Variants in CAMTA1 observed in about 807,000 individuals in gnomAD.
CAMTA1 encodes the protein calmodulin binding transcription activator 1.
A neutral mutation model predicts 170.9 loss-of-function variants in CAMTA1; 27 were observed. The ratio of observed to expected loss-of-function variants is 0.16; its 90% CI spans 0.12 to 0.22. CAMTA1 has a LOEUF of 0.22. Ranked by LOEUF, CAMTA1 falls within the 10% of genes least tolerant of loss-of-function variation. The pLI is 1.00. For synonymous variants in CAMTA1, 833 were observed against 891.5 expected, an observed-to-expected ratio of 0.93 and a Z score of 1.17; for missense variants, 1,619 against 2,217.2, an observed-to-expected ratio of 0.73 and a Z score of 5.42.
chr1:7,218,942 A>G (rs1394648115), intron 4 of CAMTA1, among the ~76,000 whole-genome samples: 13 of 152,134 alleles, frequency 8.5e-5, no homozygotes, highest in Non-Finnish European at 1.6e-4. Context: ...TTTTGTGGCT[A>G]TCATTACCTT....
intron 4 of CAMTA1, among the ~76,000 whole-genome samples, chr1:7,140,446 G>A (rs1645825415): frequency 6.6e-6 from 1 of 152,118 alleles, no homozygotes; most frequent in African/African-American, 2.4e-5. Context: ...CTTCAAAGGG[G>A]TCAACTCCAG....
At chr1:6,808,598 G>A (rs888032835) in intron 1 of CAMTA1, among the ~76,000 whole-genome samples, 2 of 152,146 alleles carry the variant, frequency 1.3e-5, no homozygotes, top group African/African-American at 4.8e-5. Context: ...AGCACTACGT[G>A]GTTTTCCTAG....
chr1:6,865,943 G>T (rs76041713), intron 3 of CAMTA1, among the ~76,000 whole-genome samples: 1,813 of 152,276 alleles, frequency 0.012, 20 homozygotes, highest in South Asian at 0.033. Context: ...AAGTTGTAAA[G>T]ACTTTTTAGG....
intron 3 of CAMTA1, among the ~76,000 whole-genome samples, chr1:7,075,688 A>T (rs1025564552): frequency 7.6e-5 from 10 of 131,430 alleles, no homozygotes; most frequent in African/African-American, 2.9e-4. Flanking sequence ...TTTGAGACGG[A>T]GTCTTGCTCT....
intron 5 of CAMTA1, among the ~76,000 whole-genome samples, chr1:7,419,924 C>T (rs537441000): frequency 2.6e-4 from 40 of 152,224 alleles, no homozygotes; most frequent in African/African-American, 8.4e-4. Flanking sequence ...AGTTTTGCCA[C>T]GCTGGACCAC....
At chr1:6,813,465 C>T in intron 1 of CAMTA1, among the ~76,000 whole-genome samples, 1 of 151,090 alleles carries the variant, frequency 6.6e-6, no homozygotes. Flanking sequence ...TGAGTATTCC[C>T]CCTACTCCTT....
intron 11 of CAMTA1, among the ~76,000 whole-genome samples, chr1:7,686,187 G>A (rs2096256029): frequency 6.6e-6 from 1 of 152,182 alleles, no homozygotes; most frequent in East Asian, 1.9e-4. Context: ...TTCTCCTGTA[G>A]TTTCTATTCT....
chr1:7,651,731 A>G (rs1023836656), intron 7 of CAMTA1, among the ~76,000 whole-genome samples: 4 of 152,282 alleles, frequency 2.6e-5, no homozygotes, highest in Non-Finnish European at 5.9e-5. Context: ...GCAAGAGGCA[A>G]CCACTTTCCA....
chr1:7,272,043 T>C (rs899508018), intron 5 of CAMTA1, among the ~76,000 whole-genome samples: 1 of 152,054 alleles, frequency 6.6e-6, no homozygotes, highest in Non-Finnish European at 1.5e-5. Flanking sequence ...TAACACAAAA[T>C]ATTCCAGAAA....
chr1:7,478,463 C>T (rs1003793735), intron 6 of CAMTA1, among the ~76,000 whole-genome samples: 2 of 152,240 alleles, frequency 1.3e-5, no homozygotes, highest in African/African-American at 4.8e-5. Flanking sequence ...GCCGACGCTC[C>T]TCTGTCCCTC....
intron 6 of CAMTA1, among the ~76,000 whole-genome samples, chr1:7,553,524 A>T (rs2150199779): frequency 6.6e-6 from 1 of 152,344 alleles, no homozygotes. Flanking sequence ...AGCAAGAGGG[A>T]TAAGCGAAGC....
intron 5 of CAMTA1, among the ~76,000 whole-genome samples, chr1:7,255,144 G>A (rs959541636): frequency 1.3e-5 from 2 of 152,092 alleles, no homozygotes; most frequent in Non-Finnish European, 2.9e-5. Flanking sequence ...TCAGGGAGTC[G>A]GGGGCTAGGA....
At chr1:7,119,523 C>G (rs1429644720) in intron 4 of CAMTA1, among the ~76,000 whole-genome samples, 1 of 152,100 alleles carries the variant, frequency 6.6e-6, no homozygotes, top group Non-Finnish European at 1.5e-5. Context: ...CATGGAAGAA[C>G]CCCTGAGCCG....
At chr1:7,354,189 CCCA>C (rs1427251948) in intron 5 of CAMTA1, among the ~76,000 whole-genome samples, 8 of 150,678 alleles carry the variant, frequency 5.3e-5, no homozygotes, top group Non-Finnish European at 1.2e-4. Flanking sequence ...TGTTCTGTCG[CCCA>C]GGCTGGAGTG....
At chr1:6,811,818 G>A (rs546663737) in intron 1 of CAMTA1, among the ~76,000 whole-genome samples, 1 of 152,188 alleles carries the variant, frequency 6.6e-6, no homozygotes, top group Admixed American at 6.5e-5. Context: ...CCTCCATTCC[G>A]GGGCTGTGGC....
At chr1:6,797,735 C>A (rs1437271221) in intron 1 of CAMTA1, among the ~76,000 whole-genome samples, 1 of 151,966 alleles carries the variant, frequency 6.6e-6, no homozygotes, top group Non-Finnish European at 1.5e-5. Context: ...CTGTGTCCTC[C>A]CATTCTTAAA....
At chr1:6,880,626 G>A (rs1382771675) in intron 3 of CAMTA1, among the ~76,000 whole-genome samples, 2 of 152,178 alleles carry the variant, frequency 1.3e-5, no homozygotes, top group Non-Finnish European at 2.9e-5. Context: ...TGGAGCTCAA[G>A]TGATCCGCCC....
intron 3 of CAMTA1, among the ~76,000 whole-genome samples, chr1:7,015,031 A>G (rs1700333483): frequency 6.6e-6 from 1 of 152,200 alleles, no homozygotes; most frequent in Non-Finnish European, 1.5e-5. Context: ...TTTGAAAATT[A>G]CAGGATAGAA....
chr1:7,138,840 C>T (rs1645697841), intron 4 of CAMTA1, among the ~76,000 whole-genome samples: 1 of 151,622 alleles, frequency 6.6e-6, no homozygotes, highest in African/African-American at 2.4e-5. Flanking sequence ...ACTAAAAATA[C>T]AAAAATTAGC....
Sources: gnomAD v4.1 joint callset for allele counts (sites outside exome capture counted in the v4.1 genomes callset) on GRCh38, gnomAD v4.1.1 for gene constraint, MANE v1.5 for transcripts, NCBI Gene and HGNC (gene_info 2026-07-23, HGNC 2026-07-21) for gene names.